The following ZNF519 variants were observed in gnomAD, a reference collection of about 807,000 sequenced individuals.
The protein encoded by ZNF519 is similar to Zinc finger protein 85 (Zinc finger protein HPF4) (HTF1).
In ZNF519, 7 loss-of-function variants were observed where a neutral mutation model predicts 7.4. That is an observed-to-expected ratio of 0.94 (90% CI 0.54 to 1.77). ZNF519 has a LOEUF of 1.77. Ranked by LOEUF, ZNF519 falls within the 40% of genes most tolerant of loss-of-function variation. The pLI is 0.00. For synonymous variants in ZNF519, 179 were observed against 203.3 expected (o/e 0.88, Z 1.02); for missense variants, 586 against 623.1 (o/e 0.94, Z 0.63).
chr18:14,071,926 C>G (rs1007430059), downstream of ZNF519: 1 of 152,142 alleles, frequency 6.6e-6, no homozygotes, highest in African/African-American at 2.4e-5. Flanking sequence ...TCTGAGGCTG[C>G]CAAGAAAAGT....
chr18:14,111,082 G>A (rs972838106), intron 2 of ZNF519, among the ~76,000 whole-genome samples: 2 of 108,144 alleles, frequency 1.8e-5, no homozygotes, highest in South Asian at 5.7e-4. Context: ...AAAATTAGAA[G>A]AAAAGAAATA....
intron 2 of ZNF519, among the ~76,000 whole-genome samples, chr18:14,119,882 A>G (rs985831050): frequency 1.3e-5 from 2 of 152,206 alleles, no homozygotes; most frequent in African/African-American, 4.8e-5. Flanking sequence ...TGATATAAAA[A>G]ATTTATACAT....
At chr18:14,127,725 T>C (rs1179533943) in intron 1 of ZNF519, among the ~76,000 whole-genome samples, 1 of 152,124 alleles carries the variant, frequency 6.6e-6, no homozygotes, top group Admixed American at 6.5e-5. Flanking sequence ...GGAGCACTAA[T>C]GGAGGTGGAC....
At position 14,124,177 on chromosome 18, in the gene ZNF519, T is replaced by TAAAA. The variant is rs199578474; in HGVS notation, c.130+169_130+172dup. 2.7e-3 allele frequency: 1,075 copies of TAAAA among 392,112 alleles called. 14 individuals carry two copies. The highest frequency in any genetic ancestry group is 0.023 in the African/African-American group (944 of 40,414). 24.3% of individuals were successfully genotyped at this position (392,112 alleles called of 1,614,324 possible). On this transcript the variant is annotated intron_variant, in intron 2 of 2. Coordinates refer to ENST00000590202, the MANE Select transcript of ZNF519 (RefSeq NM_145287.4). ...AACAAGAGCGAAACTCTGTCTCAATTAAAAAAAAAAAAAAAAGATTTTCTT... is the reference window on the plus strand; with the variant it reads ...AACAAGAGCGAAACTCTGTCTCAATTAAAAAAAAAAAAAAAAAAAAGATTTTCTT...
At chr18:14,097,036 AC>A (rs766337074), downstream of ZNF519, among the ~76,000 whole-genome samples, 14 of 152,094 alleles carry the variant, frequency 9.2e-5, no homozygotes, top group Non-Finnish European at 2.9e-5. Context: ...TGCTGTGTAA[AC>A]CATCAGTTTC....
intron 2 of ZNF519, among the ~76,000 whole-genome samples, chr18:14,106,940 G>A (rs114103309): frequency 0.011 from 1,681 of 152,232 alleles, 32 homozygotes; most frequent in African/African-American, 0.039. Flanking sequence ...CACCCTTCCC[G>A]GTGATTGGAA....
chr18:14,072,550 G>A (rs1339254137), downstream of ZNF519: 1 of 151,968 alleles, frequency 6.6e-6, no homozygotes, highest in Non-Finnish European at 1.5e-5. Flanking sequence ...TGTGCTTTTG[G>A]GATTCAATGG....
chr18:14,076,776 C>T (rs964148416), exon 5 of ZNF519: 2 of 152,076 alleles, frequency 1.3e-5, no homozygotes, highest in Non-Finnish European at 2.9e-5. Flanking sequence ...AAGATCTTGA[C>T]CTTTTTTAAA....
chr18:14,077,395 TGCTGCAGG>T (rs1476147907), exon 5 of ZNF519: 1 of 152,394 alleles, frequency 6.6e-6, no homozygotes, highest in East Asian at 1.9e-4. Context: ...TGATTTTTTT[TGCTGCAGG>T]GCTGGTGGGC....
chr18:14,128,725 A>ACACACACACACACACACAC (rs56225613), intron 1 of ZNF519, among the ~76,000 whole-genome samples: 1 of 148,500 alleles, frequency 6.7e-6, no homozygotes, highest in African/African-American at 2.5e-5. Context: ...ACACACACAC[A>ACACACACACACACACACAC]AAACCAAATG....
intron 2 of ZNF519, among the ~76,000 whole-genome samples, chr18:14,120,723 G>A (rs1166950903): frequency 1.3e-5 from 2 of 151,958 alleles, no homozygotes; most frequent in Non-Finnish European, 2.9e-5. Context: ...ATAGACAAAA[G>A]ATTATTTTTC....
At chr18:14,097,279 A>C (rs1036043394), downstream of ZNF519, among the ~76,000 whole-genome samples, 2 of 152,200 alleles carry the variant, frequency 1.3e-5, no homozygotes, top group Non-Finnish European at 2.9e-5. Context: ...TGCTTCACTA[A>C]AATACTAGTA....
intron 3 of ZNF519, chr18:14,082,520 G>C (rs1384607780): frequency 2.6e-5 from 4 of 152,172 alleles, no homozygotes; most frequent in Admixed American, 6.5e-5. Flanking sequence ...GGTTGAGGCA[G>C]TGGCAGACAT....
At chr18:14,095,235 G>A (rs2046131152), downstream of ZNF519, among the ~76,000 whole-genome samples, 1 of 152,170 alleles carries the variant, frequency 6.6e-6, no homozygotes, top group African/African-American at 2.4e-5. Flanking sequence ...TGGAGACAGG[G>A]AAACTCCAGA....
chr18:14,101,057 C>G lies in ZNF519; in HGVS notation c.*3860G>C, dbSNP rs1168862006. 6.6e-6 allele frequency: 1 copy of G among 152,306 alleles called. No individual in the cohort carries two copies. Among genetic ancestry groups the G allele is most frequent in the Non-Finnish European group, 1.5e-5 (1 of 68,044 alleles). The allele number at this position is 152,306 out of a possible 1,614,324, so 9.4% of individuals were successfully genotyped here. A position where few individuals can be genotyped will look rare whatever the true frequency, so the allele number is the denominator to read the frequency against. ...CAGTTCCAAAGAAGCAAACTGAAGCCCACAAATGTGAAGGGACTTTCCCAA... is the reference window on the plus strand; with the variant it reads ...CAGTTCCAAAGAAGCAAACTGAAGCGCACAAATGTGAAGGGACTTTCCCAA... On this transcript the variant is annotated 3_prime_UTR_variant, in exon 3 of 3. Coordinates refer to ENST00000590202, the MANE Select transcript of ZNF519 (RefSeq NM_145287.4).
At chr18:14,094,366 A>C (rs1183022547) in intron 2 of ZNF519, among the ~76,000 whole-genome samples, 8 of 152,224 alleles carry the variant, frequency 5.3e-5, no homozygotes, top group African/African-American at 1.7e-4. Flanking sequence ...CTTGTTCCAG[A>C]TCTTTTATAA....
chr18:14,132,370 A>T lies in ZNF519; in HGVS notation c.-93T>A. 6.7e-7 allele frequency: 1 copy of T among 1,499,064 alleles called. No individual in the cohort carries two copies. The highest frequency in any genetic ancestry group is 1.2e-5 in the South Asian group (1 of 86,840). 92.9% of individuals were successfully genotyped at this position (1,499,064 alleles called of 1,614,324 possible). A position where few individuals can be genotyped will look rare whatever the true frequency, so the allele number is the denominator to read the frequency against. ...ACGGAGTGAGTGGCAGAATCACCGA[A>T]GTCTCCCGGAGCAGAGGACACAAGG... On this transcript the variant is annotated 5_prime_UTR_variant, in exon 1 of 3. Transcript: ENST00000590202.
intron 2 of ZNF519, among the ~76,000 whole-genome samples, chr18:14,116,698 T>C (rs1480649052): frequency 6.6e-6 from 1 of 152,198 alleles, no homozygotes; most frequent in Non-Finnish European, 1.5e-5. Context: ...ATTATAACTC[T>C]ACAATTTTTG....
chr18:14,114,273 G>C (rs1313022951), intron 2 of ZNF519, among the ~76,000 whole-genome samples: 2 of 152,010 alleles, frequency 1.3e-5, no homozygotes, highest in Non-Finnish European at 2.9e-5. Flanking sequence ...ATAGTTTTGG[G>C]TCTTAGTTAA....
Sources: gnomAD v4.1 joint callset for allele counts (sites outside exome capture counted in the v4.1 genomes callset) on GRCh38, gnomAD v4.1.1 for gene constraint, MANE v1.5 for transcripts, NCBI Gene and HGNC (gene_info 2026-07-23, HGNC 2026-07-21) for gene names.